NAV3: variants seen among roughly 807,000 people sequenced by gnomAD.
NAV3 encodes the protein neuron navigator 3.
NAV3 carries 87 observed loss-of-function variants against 244.7 expected under a neutral mutation model. That is an observed-to-expected ratio of 0.36 (90% CI 0.30 to 0.42). The LOEUF (loss-of-function observed/expected upper bound fraction) is 0.42, where lower values mean the gene tolerates loss of function less well. Ranked by LOEUF, NAV3 falls within the 20% of genes least tolerant of loss-of-function variation. NAV3 has a pLI of 1.00. For synonymous variants in NAV3, 1,126 were observed against 1,042.2 expected (o/e 1.08, Z -1.55); for missense variants, 2,663 against 2,893.3 (o/e 0.92, Z 1.83).
chr12:77,620,858 G>A (rs1001033920), intron 2 of NAV3, among the ~76,000 whole-genome samples: 11 of 152,144 alleles, frequency 7.2e-5, no homozygotes, highest in Admixed American at 3.9e-4. Context: ...AGTTAAATGC[G>A]AAGTTGAAAA....
At chr12:78,037,646 C>A (rs947830727) in intron 9 of NAV3, among the ~76,000 whole-genome samples, 1 of 152,034 alleles carries the variant, frequency 6.6e-6, no homozygotes, top group Non-Finnish European at 1.5e-5. Flanking sequence ...ATTAGCCTCA[C>A]CTAGTGTCCA....
chr12:78,036,544 T>G, intron 9 of NAV3: 2 of 212,780 alleles, frequency 9.4e-6, no homozygotes, highest in East Asian at 9.7e-5. Flanking sequence ...CTGAGACATG[T>G]GATTGGATGA....
At chr12:78,000,123 G>A (rs1872994798) in intron 7 of NAV3, among the ~76,000 whole-genome samples, 1 of 152,096 alleles carries the variant, frequency 6.6e-6, no homozygotes, top group Admixed American at 6.6e-5. Flanking sequence ...AAATTCTGAT[G>A]ATATACAAGC....
intron 30 of NAV3, 56 bp from the exon 31 acceptor site, chr12:78,185,545 A>T: frequency 6.9e-7 from 1 of 1,458,072 alleles, no homozygotes; most frequent in Non-Finnish European, 9.5e-7. Context: ...ATGACAGTAA[A>T]CAAATCTGAG....
At chr12:77,888,931 G>GA (rs200559696) in intron 1 of NAV3, among the ~76,000 whole-genome samples, 1 of 152,042 alleles carries the variant, frequency 6.6e-6, no homozygotes. Flanking sequence ...GTGATTTCTT[G>GA]AAAAAAATTT....
chr12:77,873,307 A>G (rs1030654961), intron 1 of NAV3, among the ~76,000 whole-genome samples: 1 of 152,114 alleles, frequency 6.6e-6, no homozygotes, highest in African/African-American at 2.4e-5. Flanking sequence ...GTATATTAGT[A>G]TATGTATGTC....
chr12:78,015,650 G>A (rs1030396270), intron 8 of NAV3, among the ~76,000 whole-genome samples: 2 of 152,066 alleles, frequency 1.3e-5, no homozygotes, highest in African/African-American at 4.8e-5. Context: ...TATATTCTAA[G>A]TGAATTTGTC....
intron 1 of NAV3, among the ~76,000 whole-genome samples, chr12:77,875,524 T>C (rs531129118): frequency 2.0e-5 from 3 of 152,224 alleles, no homozygotes; most frequent in Admixed American, 2.0e-4. Context: ...TCTCGGTTCC[T>C]GAAATACTGC....
At chr12:78,158,659 C>T (rs762051236) in intron 22 of NAV3, among the ~76,000 whole-genome samples, 1 of 152,106 alleles carries the variant, frequency 6.6e-6, no homozygotes, top group Non-Finnish European at 1.5e-5. Flanking sequence ...AAAGATAACT[C>T]TTTTCAATTC....
chr12:77,959,360 G>T lies in NAV3; in HGVS notation c.415-6869G>T, dbSNP rs1263450. On this transcript the variant is annotated intron_variant, in intron 3 of 39. Coordinates refer to ENST00000397909, the MANE Select transcript of NAV3 (RefSeq NM_001024383.2). ...TAAAAATTTGGGAACTGAGTTTACT[G>T]GGATACAGATAATTCTCAGGAAACT... Among the ~76,000 whole-genome samples, 11 of 151,944 alleles carry T rather than the reference G, an allele frequency of 7.2e-5. No individual in the cohort carries two copies. The East Asian group carries it at 9.6e-4, about 13-fold the overall frequency.
chr12:77,742,525 G>A (rs375283903), intron 2 of NAV3, among the ~76,000 whole-genome samples: 1 of 151,964 alleles, frequency 6.6e-6, no homozygotes, highest in African/African-American at 2.4e-5. Context: ...ATAAGAAAGA[G>A]TTAGGGATGT....
intron 2 of NAV3, among the ~76,000 whole-genome samples, chr12:77,744,378 A>G (rs895030760): frequency 6.6e-6 from 1 of 151,990 alleles, no homozygotes; most frequent in African/African-American, 2.4e-5. Flanking sequence ...TTATTTTTTA[A>G]TAGAGACTAT....
intron 9 of NAV3, chr12:78,036,172 G>C (rs994638243): frequency 3.3e-5 from 5 of 152,336 alleles, no homozygotes; most frequent in Middle Eastern, 3.4e-3. Context: ...AGCCGTTCCC[G>C]TGCCTCTGTT....
intron 2 of NAV3, among the ~76,000 whole-genome samples, chr12:77,775,322 C>T (rs1027986180): frequency 1.3e-5 from 2 of 149,980 alleles, no homozygotes; most frequent in Non-Finnish European, 3.0e-5. Context: ...AACCTGGAGG[C>T]GGAGGTTTGC....
chr12:78,170,955 A>C (rs1185499968), intron 24 of NAV3, among the ~76,000 whole-genome samples: 1 of 151,752 alleles, frequency 6.6e-6, no homozygotes, highest in East Asian at 1.9e-4. Flanking sequence ...CCTGATTTAC[A>C]ATAGTAGAGC....
intron 2 of NAV3, among the ~76,000 whole-genome samples, chr12:77,655,609 C>T (rs1477920295): frequency 6.6e-6 from 1 of 151,916 alleles, no homozygotes; most frequent in Non-Finnish European, 1.5e-5. Flanking sequence ...CAGAGAACGC[C>T]ACAAAGATAC....
At chr12:77,723,361 T>G (rs200143002) in intron 2 of NAV3, among the ~76,000 whole-genome samples, 1 of 18,048 alleles carries the variant, frequency 5.5e-5, no homozygotes, top group South Asian at 0.01. Context: ...TATTGAAAAG[T>G]TTTTTTTTTT....
At chr12:78,169,429 AGGG>A (rs201549345) in intron 24 of NAV3, among the ~76,000 whole-genome samples, 6,888 of 151,720 alleles carry the variant, frequency 0.045, 193 homozygotes, top group Non-Finnish European at 0.071. Flanking sequence ...AAACAATGAA[AGGG>A]GTATTTCTGC....
At chr12:78,203,343 T>A (rs1260025482) in intron 38 of NAV3, among the ~76,000 whole-genome samples, 3 of 152,262 alleles carry the variant, frequency 2.0e-5, no homozygotes, top group South Asian at 2.1e-4. Context: ...GAATTATACA[T>A]GTTTTTCTTC....
Sources: allele counts gnomAD v4.1 joint callset (sites outside exome capture counted in the v4.1 genomes callset), GRCh38; gene constraint gnomAD v4.1.1; transcripts MANE v1.5; gene names NCBI Gene and HGNC (gene_info 2026-07-23, HGNC 2026-07-21).